The following PKHD1L1 variants were observed in gnomAD, a reference collection of about 807,000 sequenced individuals.
PKHD1L1 encodes PKHD1 like 1.
A neutral mutation model predicts 462.9 loss-of-function variants in PKHD1L1; 434 were observed. The ratio of observed to expected loss-of-function variants is 0.94; its 90% CI spans 0.87 to 1.02. PKHD1L1 has a LOEUF of 1.02. Ranked by LOEUF, PKHD1L1 falls within the 50% of genes least tolerant of loss-of-function variation. The pLI, the probability that PKHD1L1 is intolerant of heterozygous loss-of-function variation, is 0.00. For synonymous variants in PKHD1L1, 1,781 were observed against 1,750.0 expected, an observed-to-expected ratio of 1.02 and a Z score of -0.44; for missense variants, 5,202 against 5,096.1, an observed-to-expected ratio of 1.02 and a Z score of -0.63.
chr8:109,433,020 A>G, intron 27 of PKHD1L1, 86 bp from the exon 28 acceptor site: 1 of 997,732 alleles, frequency 1.0e-6, no homozygotes, highest in Non-Finnish European at 1.5e-6. Context: ...AGATAGACTT[A>G]TTTTTATTTG....
At chr8:109,477,440 C>T in intron 53 of PKHD1L1, 44 bp downstream of exon 53, 1 of 1,501,090 alleles carries the variant, frequency 6.7e-7, no homozygotes, top group Non-Finnish European at 9.1e-7. Flanking sequence ...TATCTCTTAA[C>T]ATAATCCTTT....
intron 37 of PKHD1L1, 44 bp downstream of exon 37, chr8:109,443,946 C>A: frequency 6.9e-7 from 1 of 1,452,880 alleles, no homozygotes; most frequent in Non-Finnish European, 9.5e-7. Context: ...TATATGTTCC[C>A]AATAAAAGTA....
At position 109,466,651 on chromosome 8, in the gene PKHD1L1, G is replaced by T; in HGVS notation, c.8487G>T (p.Trp2829Cys). Reference protein sequence around the residue: ...DPSHCTQEAEWSIGFPGSVCD... With the variant: ...DPSHCTQEAECSIGFPGSVCD... The stretch of plus-strand genomic sequence containing the variant: ...CTCATTGTACTCAGGAAGCTGAGTG[G>T]AGCATTGGGTTCCCTGGATCAGTCT... The change falls in exon 50 of 78, where the codon TGG (tryptophan) becomes TGT (cysteine). Residue 2829 changes from tryptophan (W) to cysteine (C), a missense_variant. By Grantham distance (215) the Trp-to-Cys change is radical. Transcript: ENST00000378402. 6.2e-7 allele frequency: 1 copy of T among 1,610,538 alleles called. No homozygotes were observed. The highest frequency in any genetic ancestry group is 1.1e-5 in the South Asian group (1 of 90,208).
intron 17 of PKHD1L1, among the ~76,000 whole-genome samples, chr8:109,407,544 C>G (rs1813622801): frequency 6.6e-6 from 1 of 152,102 alleles, no homozygotes; most frequent in Admixed American, 6.6e-5. Flanking sequence ...GGCCTTATTC[C>G]TCTCAAAGTG....
chr8:109,514,131 G>A (rs189715778), intron 71 of PKHD1L1, among the ~76,000 whole-genome samples: 9 of 151,944 alleles, frequency 5.9e-5, no homozygotes, highest in Admixed American at 4.6e-4. Context: ...CTGTTCCTAC[G>A]GTCACCAAAC....
chr8:109,431,030 C>T lies in PKHD1L1; in HGVS notation c.3229+993C>T, dbSNP rs1460374242. Reference sequence around the variant, plus strand: ...GTCACCAGGCTGGAGTGCAGTAGTGCGATCTCAGCTCACTGCAACCTCCGC... The same window carrying T: ...GTCACCAGGCTGGAGTGCAGTAGTGTGATCTCAGCTCACTGCAACCTCCGC... On this transcript the variant is annotated intron_variant, in intron 27 of 77. Coordinates refer to ENST00000378402, the MANE Select transcript of PKHD1L1 (RefSeq NM_177531.6). Among the ~76,000 whole-genome samples the T allele has an allele frequency of 4.1e-5, 6 of 147,634 alleles. No homozygotes were observed. The South Asian group carries it at 1.1e-3, about 26-fold the overall frequency.
At position 109,420,754 on chromosome 8, in the gene PKHD1L1, C is replaced by A. The variant is rs899408113; in HGVS notation, c.2697+64C>A. The stretch of plus-strand genomic sequence containing the variant: ...TTTTATTTTTAATTTTTTTAAATAA[C>A]CAACATACAGATGGAATATTTTAAC... On this transcript the variant is annotated intron_variant, in intron 23 of 77. Coordinates refer to ENST00000378402, the MANE Select transcript of PKHD1L1 (RefSeq NM_177531.6). The A allele has an allele frequency of 9.1e-6, 11 of 1,207,732 alleles. No individual in the cohort carries two copies. In the African/African-American group the frequency reaches 1.4e-4, roughly 16 times the overall value. The allele number at this position is 1,207,732 out of a possible 1,614,324, so 74.8% of individuals were successfully genotyped here.
Position 109,445,453 on chromosome 8 carries a change from A to T in PKHD1L1, c.5584A>T (p.Thr1862Ser). The T allele has an allele frequency of 6.2e-7, 1 of 1,614,028 alleles. No homozygotes were observed. The highest frequency in any genetic ancestry group is 8.5e-7 in the Non-Finnish European group (1 of 1,179,904). The change falls in exon 38 of 78, where the codon ACA becomes TCA. Residue 1862 changes from threonine (T) to serine (S), a missense_variant. Coordinates refer to ENST00000378402, the MANE Select transcript of PKHD1L1 (RefSeq NM_177531.6). Reference protein sequence around the residue: ...TGNGFYPGNTTVTIGDEPCQI... With the variant: ...TGNGFYPGNTSVTIGDEPCQI... ...AAATGGCTTCTATCCAGGCAACACT[A>T]CAGTCACTATTGGGGATGAACCTTG...
intron 74 of PKHD1L1, 92 bp from the exon 75 acceptor site, chr8:109,522,652 A>G (rs1820607921): frequency 8.1e-7 from 1 of 1,227,132 alleles, no homozygotes; most frequent in East Asian, 2.7e-5. Flanking sequence ...AAAATAAATA[A>G]TGAATATTTT....
rs138536391 is a variant in PKHD1L1 at position 109,424,918 on chromosome 8, T to G, written c.2698-167T>G. ...CTTTGGCCTCATTATTGCAGCCATA[T>G]AGGTATGGCCTGTGTTGATTTATGT... On this transcript the variant is annotated intron_variant, in intron 23 of 77. Coordinates refer to ENST00000378402, the MANE Select transcript of PKHD1L1 (RefSeq NM_177531.6). Among the ~76,000 whole-genome samples, 7 of 152,284 alleles carry G rather than the reference T, an allele frequency of 4.6e-5. No individual in the cohort carries two copies. The East Asian group carries it at 1.3e-3, about 29-fold the overall frequency.
rs1814340978 is a variant in PKHD1L1 at position 109,419,224 on chromosome 8, T to C, written c.2488T>C (p.Tyr830His). 6.2e-7 allele frequency: 1 copy of C among 1,611,166 alleles called. No individual in the cohort carries two copies. Among genetic ancestry groups the C allele is most frequent in the Non-Finnish European group, 8.5e-7 (1 of 1,178,300 alleles). ...ACAGTCCTTCTATGTGGATGTAGTG[T>C]ACATTGGACACACATCTACAATCTC... ...ESQSFYVDVV[Y>H]IGHTSTISTL... The change falls in exon 22 of 78, where the codon TAC (tyrosine) becomes CAC (histidine). Residue 830 changes from tyrosine to histidine, a missense_variant. Transcript: ENST00000378402.
Position 109,466,732 on chromosome 8 carries a change from T to C in PKHD1L1, c.8568T>C (p.Ser2856=). 1 of 1,612,950 alleles carries C rather than the reference T, an allele frequency of 6.2e-7. No individual in the cohort carries two copies. Among genetic ancestry groups the C allele is most frequent in the Non-Finnish European group, 8.5e-7 (1 of 1,179,500 alleles). ...RLAFNQPSPV[S]LLEKDVVLSD... is the part of the protein sequence containing the mutation. ...CGTTCAACCAGCCTTCTCCAGTATC[T>C]CTGCTTGAAAAGGATGTGGTTCTTT... The change falls in exon 50 of 78, where the codon TCT becomes TCC. Residue 2856 remains serine, a synonymous_variant. Coordinates refer to ENST00000378402, the MANE Select transcript of PKHD1L1 (RefSeq NM_177531.6).
At chr8:109,418,997 G>GA (rs889640614) in intron 21 of PKHD1L1, 100 bp from the exon 22 acceptor site, 53 of 1,094,648 alleles carry the variant, frequency 4.8e-5, no homozygotes, top group Middle Eastern at 2.5e-4. Flanking sequence ...CGTCTTGTGG[G>GA]AAAAAATATT....
chr8:109,429,463 G>C lies in PKHD1L1; in HGVS notation c.3123+1G>C. On this transcript the variant is annotated splice_donor_variant, in intron 26 of 77. Coordinates refer to ENST00000378402, the MANE Select transcript of PKHD1L1 (RefSeq NM_177531.6). LOFTEE classifies it high-confidence loss of function. ...TCGTACACCCAGTCAACAGCCACAG[G>C]TATTTTTGAAACTTTTCTCATGATG... 1 of 1,605,304 alleles carries C rather than the reference G, an allele frequency of 6.2e-7. No individual in the cohort carries two copies. The highest frequency in any genetic ancestry group is 2.2e-5 in the East Asian group (1 of 44,606).
intron 35 of PKHD1L1, 39 bp downstream of exon 35, chr8:109,442,234 T>C: frequency 1.9e-6 from 3 of 1,541,056 alleles, no homozygotes; most frequent in Non-Finnish European, 2.6e-6. Context: ...CATGTCACTT[T>C]TTCCTAAATG....
At position 109,406,524 on chromosome 8, in the gene PKHD1L1, A is replaced by G. The variant is rs745676399; in HGVS notation, c.1813+46A>G. Reference sequence around the variant, plus strand: ...GTACTTCTGTAGGAAACAAATGTATATCCTGTGCCACTCTAAAAGTTCCAT... The same window carrying G: ...GTACTTCTGTAGGAAACAAATGTATGTCCTGTGCCACTCTAAAAGTTCCAT... On this transcript the variant is annotated intron_variant, in intron 17 of 77. Coordinates refer to ENST00000378402, the MANE Select transcript of PKHD1L1 (RefSeq NM_177531.6). 1.5e-5 allele frequency: 22 copies of G among 1,493,700 alleles called. No individual in the cohort carries two copies. The South Asian group carries it at 2.3e-4, about 16-fold the overall frequency. 92.5% of individuals were successfully genotyped at this position (1,493,700 alleles called of 1,614,324 possible).
At position 109,486,753 on chromosome 8, in the gene PKHD1L1, G is replaced by C; in HGVS notation, c.9812G>C (p.Trp3271Ser). ...IKIVGEDYPG[W>S]SEDSFGARVL... ...ATAGTTGGTGAAGATTACCCCGGTT[G>C]GTCTGAGGACTCTTTTGGAGCACGC... The change falls in exon 59 of 78, where the codon TGG becomes TCG. Residue 3271 changes from tryptophan (W) to serine (S), a missense_variant. Around this residue, in one of 3 missense-constraint regions of PKHD1L1, gnomAD observed 4,497 missense variants for 4,336.8 expected, o/e 1.04. Transcript: ENST00000378402. The C allele has an allele frequency of 1.2e-6, 2 of 1,612,472 alleles. No individual in the cohort carries two copies. The highest frequency in any genetic ancestry group is 1.7e-6 in the Non-Finnish European group (2 of 1,178,888).
intron 2 of PKHD1L1, among the ~76,000 whole-genome samples, chr8:109,375,014 C>G (rs1332472471): frequency 2.0e-5 from 3 of 151,930 alleles, no homozygotes; most frequent in Non-Finnish European, 2.9e-5. Context: ...TCTTTGTGGC[C>G]TTCTCTGTAT....
At chr8:109,528,246 A>C (rs1820913591) in intron 77 of PKHD1L1, among the ~76,000 whole-genome samples, 2 of 152,160 alleles carry the variant, frequency 1.3e-5, no homozygotes. Flanking sequence ...CAGTGGAATA[A>C]AACATCTTCA....
Sources: allele counts gnomAD v4.1 joint callset (sites outside exome capture counted in the v4.1 genomes callset), GRCh38; gene constraint gnomAD v4.1.1; regional missense constraint gnomAD v4.1.1; transcripts MANE v1.5; gene names NCBI Gene and HGNC (gene_info 2026-07-23, HGNC 2026-07-21).